ADAM32: variants seen among roughly 807,000 people sequenced by gnomAD.
ADAM32 encodes the protein disintegrin and metalloproteinase domain-containing protein 32.
Under a neutral mutation model 114.9 loss-of-function variants are expected in ADAM32, and 89 were observed. The observed-to-expected ratio is 0.77, with a 90% CI of 0.65 to 0.92. The LOEUF is 0.92. Among genes scored for constraint, ADAM32 ranks in the 40% least tolerant of loss-of-function variants. The pLI is 0.00. For missense variants in ADAM32, 870 were observed against 932.8 expected, an observed-to-expected ratio of 0.93 and a Z score of 0.88; for synonymous variants, 285 against 307.5, an observed-to-expected ratio of 0.93 and a Z score of 0.77.
At chr8:39,180,205 C>T (rs868076976) in intron 10 of ADAM32, among the ~76,000 whole-genome samples, 11 of 152,326 alleles carry the variant, frequency 7.2e-5, no homozygotes, top group African/African-American at 2.4e-4. Flanking sequence ...GCCCCGCACT[C>T]GGAGCAGCGG....
intron 2 of ADAM32, among the ~76,000 whole-genome samples, chr8:39,133,364 G>C (rs1802582760): frequency 6.6e-6 from 1 of 152,210 alleles, no homozygotes; most frequent in Non-Finnish European, 1.5e-5. Flanking sequence ...ATATCTATAT[G>C]ATTTCTTCAA....
At chr8:39,189,048 G>A (rs1806431200) in intron 11 of ADAM32, among the ~76,000 whole-genome samples, 1 of 152,056 alleles carries the variant, frequency 6.6e-6, no homozygotes, top group Non-Finnish European at 1.5e-5. Context: ...CACTTTAGCA[G>A]GTGCCAGTAA....
intron 2 of ADAM32, among the ~76,000 whole-genome samples, chr8:39,133,651 C>T (rs1260021999): frequency 6.6e-6 from 1 of 152,170 alleles, no homozygotes; most frequent in African/African-American, 2.4e-5. Flanking sequence ...TTCCCAGGCT[C>T]CTGGCTGGTG....
chr8:39,230,714 G>A (rs1809683507), intron 14 of ADAM32, among the ~76,000 whole-genome samples: 1 of 151,932 alleles, frequency 6.6e-6, no homozygotes, highest in Non-Finnish European at 1.5e-5. Context: ...AAGATGAGGG[G>A]AAAGCAAAAA....
chr8:39,276,620 A>G (rs1302250972), intron 22 of ADAM32, among the ~76,000 whole-genome samples: 1 of 152,202 alleles, frequency 6.6e-6, no homozygotes, highest in Non-Finnish European at 1.5e-5. Context: ...AAGCTGCACA[A>G]CAAGGTTGTA....
Position 39,254,495 on chromosome 8 carries a change from A to G in ADAM32, c.1984A>G (p.Ile662Val), listed in dbSNP as rs751571313. The G allele has an allele frequency of 6.2e-5, 98 of 1,587,142 alleles. No homozygotes were observed. Among genetic ancestry groups the G allele is most frequent in the Middle Eastern group, 1.7e-4 (1 of 6,038 alleles). ...NCQIRSKGFS[I>V]FPEEDMGSIM... The stretch of plus-strand genomic sequence containing the variant: ...CCAAATACGTTCCAAAGGATTTTCC[A>G]TATTTCCTGAGGAAGATATGGGCAA... The change falls in exon 18 of 25, where the codon ATA becomes GTA. Residue 662 changes from isoleucine to valine, a missense_variant. Physicochemically the swap from Ile to Val is conservative, Grantham distance 29. Transcript: ENST00000379907.
rs182301786 is a variant in ADAM32, at chr8:39,274,276, T to A, written c.2202-36T>A. The A allele has an allele frequency of 2.5e-6, 4 of 1,609,504 alleles. No homozygotes were observed. In the Admixed American group the frequency reaches 6.7e-5, roughly 27 times the overall value. ...TCATGAAGTTGGCAAGTTTTCTTAG[T>A]ACTAACTTGAGACATTGCTTTCAAT... On this transcript the variant is annotated intron_variant, in intron 20 of 24. Coordinates refer to ENST00000379907, the MANE Select transcript of ADAM32 (RefSeq NM_145004.7).
At chr8:39,207,066 G>A (rs1446721745) in intron 11 of ADAM32, among the ~76,000 whole-genome samples, 29 of 152,134 alleles carry the variant, frequency 1.9e-4, no homozygotes, top group Admixed American at 1.9e-3. Context: ...GTCCACAATA[G>A]GAATGTGGAT....
chr8:39,198,936 A>T (rs903124455), intron 11 of ADAM32, among the ~76,000 whole-genome samples: 2 of 152,114 alleles, frequency 1.3e-5, no homozygotes, highest in African/African-American at 4.8e-5. Context: ...TTGTCTGAAA[A>T]AGACATTCTA....
intron 5 of ADAM32, among the ~76,000 whole-genome samples, chr8:39,151,157 AAGTG>A (rs1803801195): frequency 6.6e-6 from 1 of 152,194 alleles, no homozygotes; most frequent in Non-Finnish European, 1.5e-5. Context: ...GCAATTGATT[AAGTG>A]ACTTCTGCTG....
chr8:39,268,888 A>G (rs1812535430), intron 19 of ADAM32, among the ~76,000 whole-genome samples: 1 of 152,254 alleles, frequency 6.6e-6, no homozygotes, highest in Non-Finnish European at 1.5e-5. Flanking sequence ...TACCATTCTG[A>G]GTAACTCTAT....
At chr8:39,247,568 C>T (rs1232201927) in intron 17 of ADAM32, among the ~76,000 whole-genome samples, 2 of 151,800 alleles carry the variant, frequency 1.3e-5, no homozygotes, top group African/African-American at 4.8e-5. Context: ...TTTAAGTTTT[C>T]TCTTCATATT....
intron 2 of ADAM32, among the ~76,000 whole-genome samples, chr8:39,125,084 A>G (rs1448921904): frequency 5.3e-5 from 8 of 152,146 alleles, no homozygotes; most frequent in Non-Finnish European, 4.4e-5. Context: ...TGATTTGCGT[A>G]TCTCAAATGA....
intron 2 of ADAM32, chr8:39,131,913 G>T: frequency 5.0e-6 from 1 of 198,554 alleles, no homozygotes; most frequent in South Asian, 5.8e-5. Flanking sequence ...TATTTTTTGA[G>T]ATGGAGTTTC....
Position 39,114,780 on chromosome 8 carries a change from G to A in ADAM32, c.59-3306G>A, listed in dbSNP as rs144333019. On this transcript the variant is annotated intron_variant, in intron 1 of 24. Coordinates refer to ENST00000379907, the MANE Select transcript of ADAM32 (RefSeq NM_145004.7). ...CAGGTTTGTTACATGGGTAAATTGC[G>A]TGTCACTGGGGTTCTATGTACAAAT... Among the ~76,000 whole-genome samples, 131 of 152,258 alleles carry A rather than the reference G, an allele frequency of 8.6e-4. 1 individual carries two copies. Among genetic ancestry groups the A allele is most frequent in the African/African-American group, 2.8e-3 (117 of 41,536 alleles).
intron 7 of ADAM32, among the ~76,000 whole-genome samples, chr8:39,161,199 T>C (rs1353354627): frequency 6.6e-6 from 1 of 152,238 alleles, no homozygotes; most frequent in African/African-American, 2.4e-5. Context: ...TGTATTTTTT[T>C]CCCTGGCACT....
intron 13 of ADAM32, among the ~76,000 whole-genome samples, 178 bp from the exon 14 acceptor site, chr8:39,222,862 G>A (rs1809076049): frequency 6.6e-6 from 1 of 151,800 alleles, no homozygotes; most frequent in Non-Finnish European, 1.5e-5. Context: ...TCCTATTTTA[G>A]TCAATAACAT....
intron 11 of ADAM32, among the ~76,000 whole-genome samples, chr8:39,197,595 C>T (rs543541743): frequency 3.4e-4 from 52 of 152,116 alleles, no homozygotes; most frequent in African/African-American, 1.1e-3. Context: ...CAGGAGCATT[C>T]GTTTACCTTT....
intron 16 of ADAM32, among the ~76,000 whole-genome samples, chr8:39,243,619 G>A (rs956362422): frequency 1.1e-4 from 16 of 152,244 alleles, no homozygotes; most frequent in Non-Finnish European, 1.6e-4. Flanking sequence ...TGGCATAGAA[G>A]GGACATACCT....
Sources: gnomAD v4.1 joint callset for allele counts (sites outside exome capture counted in the v4.1 genomes callset) on GRCh38, gnomAD v4.1.1 for gene constraint, MANE v1.5 for transcripts, NCBI Gene and HGNC (gene_info 2026-07-23, HGNC 2026-07-21) for gene names.